The following MCTP1 variants were observed in gnomAD, a reference collection of about 807,000 sequenced individuals.
MCTP1 encodes multiple C2 and transmembrane domain containing 1, also known as multiple C2 and transmembrane domain-containing protein 1.
MCTP1 carries 69 observed loss-of-function variants against 120.6 expected under a neutral mutation model. The observed-to-expected ratio is 0.57, with a 90% CI of 0.47 to 0.70. The LOEUF is 0.70. MCTP1 is among the 30% of genes least tolerant of loss of function. The pLI, the probability that MCTP1 is intolerant of heterozygous loss-of-function variation, is 0.00. For synonymous variants in MCTP1, 529 were observed against 493.1 expected (o/e 1.07, Z -0.96); for missense variants, 1,203 against 1,248.8 (o/e 0.96, Z 0.55).
Position 94,705,229 on chromosome 5 carries a change from ATAGT to A in MCTP1, c.*2263_*2266del, listed in dbSNP as rs1754271783. ...CTATGTGAGAAGGGGAAAGAAATAA[ATAGT>A]TAAAATTTTAACTATACATATTCTG... On this transcript the variant is annotated 3_prime_UTR_variant, in exon 23 of 23. Coordinates refer to ENST00000515393, the MANE Select transcript of MCTP1 (RefSeq NM_024717.7). 1.3e-5 allele frequency: 2 copies of A among 151,550 alleles called. No individual in the cohort carries two copies. The highest frequency in any genetic ancestry group is 1.3e-4 in the Admixed American group (2 of 15,176). The allele number at this position is 151,550 out of a possible 1,614,324, so 9.4% of individuals were successfully genotyped here. A position where few individuals can be genotyped will look rare whatever the true frequency, so the allele number is the denominator to read the frequency against.
At chr5:94,775,626 C>T (rs1775121826) in intron 19 of MCTP1, among the ~76,000 whole-genome samples, 1 of 152,110 alleles carries the variant, frequency 6.6e-6, no homozygotes, top group South Asian at 2.1e-4. Flanking sequence ...TGATGTCTTT[C>T]TAACATTTAA....
At chr5:95,017,221 T>C (rs2153667353) in intron 2 of MCTP1, 146 bp downstream of exon 2, 1 of 491,756 alleles carries the variant, frequency 2.0e-6, no homozygotes, top group Non-Finnish European at 3.6e-6. Flanking sequence ...AGGAGTCAAG[T>C]AATGTGTCAA....
At chr5:95,004,583 G>A (rs1014094087) in intron 2 of MCTP1, among the ~76,000 whole-genome samples, 9 of 152,312 alleles carry the variant, frequency 5.9e-5, no homozygotes, top group Admixed American at 3.3e-4. Flanking sequence ...GGCACCCTGC[G>A]TCCTAGCTGC....
intron 1 of MCTP1, among the ~76,000 whole-genome samples, chr5:95,202,735 TTTC>T (rs1400511323): frequency 2.6e-5 from 4 of 151,514 alleles, no homozygotes; most frequent in Admixed American, 1.3e-4. Context: ...TTTTTCTTTT[TTTC>T]TTTTTTTGAG....
chr5:95,234,017 GAAAA>G (rs11325013), intron 1 of MCTP1, among the ~76,000 whole-genome samples: 1 of 125,562 alleles, frequency 8.0e-6, no homozygotes, highest in Non-Finnish European at 1.7e-5. Flanking sequence ...GATCAGAGAA[GAAAA>G]AAAAAAAAAG....
intron 17 of MCTP1, among the ~76,000 whole-genome samples, chr5:94,856,799 G>A (rs1276689610): frequency 6.6e-6 from 1 of 151,708 alleles, no homozygotes; most frequent in African/African-American, 2.4e-5. Context: ...AAGAGCAAGA[G>A]AGAGACTAAT....
intron 3 of MCTP1, among the ~76,000 whole-genome samples, chr5:94,946,811 C>T (rs10476618): frequency 0.39 from 58,566 of 152,056 alleles, 11,655 homozygotes; most frequent in Middle Eastern, 0.45. Context: ...TGACCACCCA[C>T]GTGGACATTC....
At chr5:94,925,354 G>T (rs1812777747) in intron 6 of MCTP1, among the ~76,000 whole-genome samples, 1 of 152,040 alleles carries the variant, frequency 6.6e-6, no homozygotes, top group African/African-American at 2.4e-5. Flanking sequence ...TAGATATTTA[G>T]TTACGCTTCA....
rs558495728 is a variant in MCTP1, at chr5:94,816,199, TG to T, written c.2437-17068del. On this transcript the variant is annotated intron_variant, in intron 17 of 22. Coordinates refer to ENST00000515393, the MANE Select transcript of MCTP1 (RefSeq NM_024717.7). ...TAAATATGTTTGCCAAGTGTATACA[TG>T]GATATAACATCTTTGTGTATATGGA... is the stretch of plus-strand genomic sequence containing the variant. 6.9e-3 allele frequency among the ~76,000 whole-genome samples: 1,048 copies of T among 152,320 alleles called. 7 individuals are homozygous for T. The highest frequency in any genetic ancestry group is 0.013 in the Non-Finnish European group (866 of 68,032).
intron 1 of MCTP1, among the ~76,000 whole-genome samples, chr5:95,091,298 T>C (rs1454153518): frequency 6.6e-6 from 1 of 152,202 alleles, no homozygotes; most frequent in East Asian, 1.9e-4. Context: ...ATAATACTTC[T>C]CTACTCATAA....
intron 19 of MCTP1, among the ~76,000 whole-genome samples, chr5:94,747,247 T>C (rs1767114981): frequency 6.6e-6 from 1 of 152,248 alleles, no homozygotes; most frequent in South Asian, 2.1e-4. Flanking sequence ...CTGACAATGG[T>C]CATGCTCACC....
At chr5:94,993,428 T>C (rs1831999765) in intron 2 of MCTP1, among the ~76,000 whole-genome samples, 2 of 152,178 alleles carry the variant, frequency 1.3e-5, no homozygotes, top group Admixed American at 1.3e-4. Context: ...AGATAATGTC[T>C]CTTTTTTTCC....
chr5:95,226,045 G>A (rs1265338443), intron 1 of MCTP1, among the ~76,000 whole-genome samples: 1 of 151,930 alleles, frequency 6.6e-6, no homozygotes, highest in Non-Finnish European at 1.5e-5. Flanking sequence ...GTGGTATTTG[G>A]TTACATAAGT....
chr5:94,984,088 A>G (rs963014914), intron 2 of MCTP1, among the ~76,000 whole-genome samples: 1 of 152,206 alleles, frequency 6.6e-6, no homozygotes, highest in South Asian at 2.1e-4. Context: ...CTAGATCTAG[A>G]GCAAAAATGA....
chr5:95,195,405 C>G (rs990796901), intron 1 of MCTP1, among the ~76,000 whole-genome samples: 1 of 151,770 alleles, frequency 6.6e-6, no homozygotes, highest in Non-Finnish European at 1.5e-5. Context: ...CTGAGGAGAC[C>G]AGGGGTACTG....
At chr5:95,047,777 C>T (rs1325785925) in intron 1 of MCTP1, among the ~76,000 whole-genome samples, 1 of 151,870 alleles carries the variant, frequency 6.6e-6, no homozygotes, top group African/African-American at 2.4e-5. Flanking sequence ...CCCTTTCTCC[C>T]ACCCTCTACC....
chr5:94,876,225 CCAAT>C (rs1466471495), intron 12 of MCTP1, among the ~76,000 whole-genome samples: 1 of 152,098 alleles, frequency 6.6e-6, no homozygotes, highest in Non-Finnish European at 1.5e-5. Context: ...ACAAACAAAA[CCAAT>C]CAGAGAAATA....
chr5:95,100,017 G>C (rs908640494), intron 1 of MCTP1, among the ~76,000 whole-genome samples: 6 of 151,234 alleles, frequency 4.0e-5, no homozygotes, highest in African/African-American at 1.5e-4. Flanking sequence ...GTAAACTATC[G>C]CAAGAACAAA....
chr5:95,096,006 T>C (rs1895865), intron 1 of MCTP1, among the ~76,000 whole-genome samples: 75,161 of 151,924 alleles, frequency 0.49, 20,791 homozygotes, highest in Admixed American at 0.63. Flanking sequence ...TTCCACACTC[T>C]GAATGGAGAC....
Sources: gnomAD v4.1 joint callset for allele counts (sites outside exome capture counted in the v4.1 genomes callset) on GRCh38, gnomAD v4.1.1 for gene constraint, MANE v1.5 for transcripts, NCBI Gene and HGNC (gene_info 2026-07-23, HGNC 2026-07-21) for gene names.